The following GHR variants were observed in gnomAD, a reference collection of about 807,000 sequenced individuals.
GHR encodes GH receptor.
In GHR, 35 loss-of-function variants were observed where a neutral mutation model predicts 67.1. The observed-to-expected ratio is 0.52, with a 90% confidence interval of 0.40 to 0.69. The LOEUF (loss-of-function observed/expected upper bound fraction) is 0.69. GHR is among the 30% of genes least tolerant of loss of function. The pLI is 0.00. For missense variants in GHR, 792 were observed against 764.6 expected (o/e 1.04, Z -0.42); for synonymous variants, 272 against 269.1 (o/e 1.01, Z -0.10).
intron 3 of GHR, among the ~76,000 whole-genome samples, chr5:42,673,730 A>T (rs1304278126): frequency 6.6e-6 from 1 of 152,206 alleles, no homozygotes; most frequent in African/African-American, 2.4e-5. Context: ...TTGGGTAAAC[A>T]TGGATATAAA....
chr5:42,672,276 G>C (rs7447061), intron 3 of GHR, among the ~76,000 whole-genome samples: 100,276 of 152,066 alleles, frequency 0.66, 34,347 homozygotes, highest in East Asian at 0.82. Context: ...TCTTGGAACT[G>C]ATAAACAACT....
At chr5:42,552,232 C>T (rs1749072372) in intron 1 of GHR, among the ~76,000 whole-genome samples, 1 of 152,172 alleles carries the variant, frequency 6.6e-6, no homozygotes, top group African/African-American at 2.4e-5. Flanking sequence ...TGAAAACAAG[C>T]TCTTCTGAGC....
intron 1 of GHR, among the ~76,000 whole-genome samples, chr5:42,564,646 G>T (rs6883523): frequency 0.18 from 26,799 of 152,086 alleles, 2,604 homozygotes; most frequent in Non-Finnish European, 0.19. Flanking sequence ...AGTACGTCAA[G>T]AATTTTATCC....
intron 3 of GHR, among the ~76,000 whole-genome samples, chr5:42,681,126 TA>T (rs1025727214): frequency 6.6e-6 from 1 of 151,920 alleles, no homozygotes; most frequent in African/African-American, 2.4e-5. Flanking sequence ...CTAATTAAAC[TA>T]AAGAGCTTCT....
intron 2 of GHR, among the ~76,000 whole-genome samples, chr5:42,626,101 C>A (rs180902576): frequency 1.3e-5 from 2 of 152,238 alleles, no homozygotes; most frequent in East Asian, 3.9e-4. Flanking sequence ...ACTTAGTCCT[C>A]GGTGGGAATC....
chr5:42,569,543 T>C (rs1185492364), intron 2 of GHR, among the ~76,000 whole-genome samples: 1 of 152,094 alleles, frequency 6.6e-6, no homozygotes, highest in Non-Finnish European at 1.5e-5. Context: ...ATCCAGCCAG[T>C]AATAGTCCTC....
chr5:42,676,192 G>A (rs1252196916), intron 3 of GHR, among the ~76,000 whole-genome samples: 1 of 152,146 alleles, frequency 6.6e-6, no homozygotes, highest in Non-Finnish European at 1.5e-5. Context: ...GGCTGAGGCA[G>A]GAGAATCGCT....
intron 3 of GHR, among the ~76,000 whole-genome samples, chr5:42,651,881 C>T (rs1755034419): frequency 6.6e-6 from 1 of 151,998 alleles, no homozygotes; most frequent in Non-Finnish European, 1.5e-5. Context: ...AGAAAAAATA[C>T]AGTATTTTAA....
At chr5:42,459,413 C>G (rs983166810) in intron 1 of GHR, among the ~76,000 whole-genome samples, 3 of 152,092 alleles carry the variant, frequency 2.0e-5, no homozygotes, top group African/African-American at 7.2e-5. Context: ...AACACAGGAA[C>G]AGAAAACCAA....
At chr5:42,475,907 A>ATTT (rs367798408) in intron 1 of GHR, among the ~76,000 whole-genome samples, 4 of 144,480 alleles carry the variant, frequency 2.8e-5, no homozygotes, top group African/African-American at 5.1e-5. Context: ...CAGATTAAAA[A>ATTT]TTTTTTTTTT....
chr5:42,458,752 T>A (rs1277666448), intron 1 of GHR, among the ~76,000 whole-genome samples: 1 of 152,178 alleles, frequency 6.6e-6, no homozygotes, highest in African/African-American at 2.4e-5. Flanking sequence ...GACAAAAGTC[T>A]GGTATTCAGA....
At chr5:42,480,004 G>T (rs567153761) in intron 1 of GHR, among the ~76,000 whole-genome samples, 3 of 152,154 alleles carry the variant, frequency 2.0e-5, no homozygotes, top group African/African-American at 7.2e-5. Flanking sequence ...GATCTTTCCT[G>T]CTTTCTCTGG....
chr5:42,709,091 A>C (rs753938510), intron 6 of GHR, among the ~76,000 whole-genome samples: 1 of 152,314 alleles, frequency 6.6e-6, no homozygotes, highest in South Asian at 2.1e-4. Context: ...CGCTTGCATC[A>C]GGAATTCATG....
chr5:42,631,408 C>A (rs923275356), intron 3 of GHR, among the ~76,000 whole-genome samples: 1 of 152,176 alleles, frequency 6.6e-6, no homozygotes, highest in African/African-American at 2.4e-5. Flanking sequence ...TAACAGTGGG[C>A]ACCTATCATA....
chr5:42,468,543 T>C, intron 1 of GHR: 1 of 823,126 alleles, frequency 1.2e-6, no homozygotes, highest in Non-Finnish European at 1.9e-6. Context: ...ACGAGAACAA[T>C]GACCCTTATT....
At chr5:42,645,551 G>A (rs1173453296) in intron 3 of GHR, among the ~76,000 whole-genome samples, 3 of 152,190 alleles carry the variant, frequency 2.0e-5, no homozygotes, top group African/African-American at 7.2e-5. Context: ...GCTTTTGTTT[G>A]TTTCTGCCTT....
intron 2 of GHR, among the ~76,000 whole-genome samples, chr5:42,623,210 T>A (rs1753543461): frequency 6.6e-6 from 1 of 152,132 alleles, no homozygotes; most frequent in South Asian, 2.1e-4. Context: ...CTCTCTCAAT[T>A]TTAAACACAG....
intron 3 of GHR, chr5:42,647,752 G>A (rs1288098139): frequency 7.0e-6 from 3 of 426,032 alleles, no homozygotes; most frequent in Non-Finnish European, 1.4e-5. Context: ...AATTAACCCT[G>A]TAGCTTGGTT....
chr5:42,611,012 G>T (rs1384644830), intron 2 of GHR, among the ~76,000 whole-genome samples: 1 of 152,142 alleles, frequency 6.6e-6, no homozygotes, highest in Non-Finnish European at 1.5e-5. Flanking sequence ...TGGGAGTGAT[G>T]GGTTGTGCTG....
Sources: gnomAD v4.1 joint callset for allele counts (sites outside exome capture counted in the v4.1 genomes callset) on GRCh38, gnomAD v4.1.1 for gene constraint, MANE v1.5 for transcripts, NCBI Gene and HGNC (gene_info 2026-07-23, HGNC 2026-07-21) for gene names.